Variants in SLC35F2 observed in about 807,000 individuals in gnomAD.
SLC35F2 encodes the protein solute carrier family 35 member F2, also known as queuine/queuosine transporter SLC35F2.
Under a neutral mutation model 38.1 loss-of-function variants are expected in SLC35F2, and 25 were observed. The ratio of observed to expected loss-of-function variants is 0.66; its 90% CI spans 0.48 to 0.92. The LOEUF is 0.92. Ranked by LOEUF, SLC35F2 falls within the 40% of genes least tolerant of loss-of-function variation. The probability of loss-of-function intolerance (pLI) is 0.00; values close to 1 mark genes in which losing one functional copy is unlikely to be tolerated. For synonymous variants in SLC35F2, 173 were observed against 181.7 expected (o/e 0.95, Z 0.38); for missense variants, 409 against 452.9 (o/e 0.90, Z 0.88).
intron 3 of SLC35F2, among the ~76,000 whole-genome samples, chr11:107,807,139 A>G (rs1263387963): frequency 1.3e-5 from 2 of 152,076 alleles, no homozygotes; most frequent in Non-Finnish European, 2.9e-5. Context: ...ACACATAGTT[A>G]AAAATGGGAT....
Position 107,838,627 on chromosome 11 carries a change from CT to C in SLC35F2, c.110+20030del, listed in dbSNP as rs71047631. Among the ~76,000 whole-genome samples the C allele has an allele frequency of 4.6e-3, 504 of 108,630 alleles. 4 individuals are homozygous for C. The highest frequency in any genetic ancestry group is 0.043 in the East Asian group (147 of 3,442). 71.3% of individuals were successfully genotyped at this position (108,630 alleles called of 152,430 possible). Reference sequence around the variant, plus strand: ...GGCGTGAGCCACTTTGCCCGGCCCTCTTTTTTTTTTTTTTTTTTTTTGAGAC... The same window carrying C: ...GGCGTGAGCCACTTTGCCCGGCCCTCTTTTTTTTTTTTTTTTTTTTGAGAC... On this transcript the variant is annotated intron_variant, in intron 1 of 7. Transcript: ENST00000525815.
chr11:107,836,570 A>G (rs1256270553), intron 1 of SLC35F2, among the ~76,000 whole-genome samples: 1 of 152,222 alleles, frequency 6.6e-6, no homozygotes, highest in Non-Finnish European at 1.5e-5. Context: ...AAGGAGCTAT[A>G]ACTACAGAAG....
Position 107,835,697 on chromosome 11 carries a change from A to G in SLC35F2, c.111-19732T>C, listed in dbSNP as rs373158189. 6.1e-3 allele frequency among the ~76,000 whole-genome samples: 930 copies of G among 151,984 alleles called. 10 individuals are homozygous for G. The highest frequency in any genetic ancestry group is 0.02 in the African/African-American group (840 of 41,444). The stretch of plus-strand genomic sequence containing the variant: ...TGCCTGCCTCAGCCTCCCAAACACA[A>G]TGACTCTTATTACCATCTCCTTAAT... On this transcript the variant is annotated intron_variant, in intron 1 of 7. Transcript: ENST00000525815.
chr11:107,809,807 G>A (rs1326216904), intron 3 of SLC35F2: 2 of 985,018 alleles, frequency 2.0e-6, no homozygotes, highest in Non-Finnish European at 2.4e-6. Context: ...GAGTATAGAA[G>A]AGAAAATGAA....
intron 1 of SLC35F2, among the ~76,000 whole-genome samples, chr11:107,825,022 A>C (rs73003346): frequency 0.058 from 8,761 of 152,322 alleles, 516 homozygotes; most frequent in African/African-American, 0.15. Context: ...TAAAATAGCC[A>C]TATATGGAGA....
chr11:107,803,256 ATAT>A (rs1357023754), intron 6 of SLC35F2, 101 bp from the exon 7 acceptor site: 1 of 1,394,966 alleles, frequency 7.2e-7, no homozygotes, highest in Non-Finnish European at 9.4e-7. Flanking sequence ...ACCCTTTAAC[ATAT>A]TATGTACAAA....
intron 1 of SLC35F2, among the ~76,000 whole-genome samples, chr11:107,838,916 AC>A (rs1859976712): frequency 6.6e-6 from 1 of 152,108 alleles, no homozygotes; most frequent in Admixed American, 6.6e-5. Flanking sequence ...GGCATGAGCC[AC>A]CACACCTGGC....
intron 1 of SLC35F2, among the ~76,000 whole-genome samples, chr11:107,830,315 G>C (rs1299470427): frequency 6.6e-6 from 1 of 152,108 alleles, no homozygotes; most frequent in Non-Finnish European, 1.5e-5. Flanking sequence ...GCTGGGCACA[G>C]TGGCTCACGC....
intron 1 of SLC35F2, among the ~76,000 whole-genome samples, chr11:107,850,834 A>G (rs1358846934): frequency 6.6e-6 from 1 of 151,650 alleles, no homozygotes; most frequent in African/African-American, 2.4e-5. Context: ...AAAAAGAATT[A>G]GTCAACTCAA....
rs529944457 is a variant in SLC35F2 at position 107,838,469 on chromosome 11, C to T, written c.110+20189G>A. ...CCTCCCGAGTAGCTGGGATTACAGG[C>T]GCCCGCCACCACGCCCAGCTAATTT... On this transcript the variant is annotated intron_variant, in intron 1 of 7. Coordinates refer to ENST00000525815, the MANE Select transcript of SLC35F2 (RefSeq NM_017515.5). Among the ~76,000 whole-genome samples the T allele has an allele frequency of 5.1e-3, 781 of 151,664 alleles. 9 individuals are homozygous for T. Among genetic ancestry groups the T allele is most frequent in the African/African-American group, 0.017 (711 of 41,298 alleles).
intron 1 of SLC35F2, among the ~76,000 whole-genome samples, chr11:107,830,195 C>A (rs1859816056): frequency 6.6e-6 from 1 of 152,002 alleles, no homozygotes; most frequent in South Asian, 2.1e-4. Flanking sequence ...TAACATATAT[C>A]CCAATTTGCT....
chr11:107,841,073 G>T (rs868460528), intron 1 of SLC35F2, among the ~76,000 whole-genome samples: 8 of 152,000 alleles, frequency 5.3e-5, no homozygotes, highest in South Asian at 2.1e-4. Flanking sequence ...CTCTGAATAG[G>T]CTCAAAAACT....
At chr11:107,822,991 A>G (rs1415225571) in intron 1 of SLC35F2, among the ~76,000 whole-genome samples, 2 of 152,116 alleles carry the variant, frequency 1.3e-5, no homozygotes, top group African/African-American at 4.8e-5. Context: ...ACACATATAT[A>G]TAATATATAT....
chr11:107,794,083 CTTTTTTTTT>C (rs10664346), intron 7 of SLC35F2, among the ~76,000 whole-genome samples: 6 of 137,978 alleles, frequency 4.3e-5, no homozygotes, highest in African/African-American at 1.6e-4. Context: ...TGTATTTTTT[CTTTTTTTTT>C]TTTTTTTAGA....
chr11:107,797,900 ATGTT>A (rs1490293841), intron 7 of SLC35F2, among the ~76,000 whole-genome samples: 4 of 152,142 alleles, frequency 2.6e-5, no homozygotes, highest in Non-Finnish European at 5.9e-5. Flanking sequence ...TGTTTAATAA[ATGTT>A]TGTTGAAAAA....
intron 2 of SLC35F2, among the ~76,000 whole-genome samples, chr11:107,812,075 T>C (rs1859491442): frequency 6.6e-6 from 1 of 151,548 alleles, no homozygotes. Flanking sequence ...CTAATTATTT[T>C]TGTATTTTTA....
intron 3 of SLC35F2, among the ~76,000 whole-genome samples, chr11:107,807,636 A>T (rs1408416384): frequency 1.3e-5 from 2 of 151,554 alleles, no homozygotes; most frequent in Non-Finnish European, 2.9e-5. Flanking sequence ...GCAGTGGTGC[A>T]ATCTCGGCTC....
chr11:107,792,723 C>T lies in SLC35F2; in HGVS notation c.1017G>A (p.Thr339=), dbSNP rs746761715. The T allele has an allele frequency of 2.3e-5, 37 of 1,613,898 alleles. 1 individual carries two copies. The South Asian group carries it at 3.1e-4, about 13-fold the overall frequency. The change falls in exon 8 of 8, where the codon ACG becomes ACA. Residue 339 remains threonine, a synonymous_variant. Coordinates refer to ENST00000525815, the MANE Select transcript of SLC35F2 (RefSeq NM_017515.5). ...GCACGCTGCTTTCAGCCGGCTCGGCCGTGCGAGTAGGGGTGGAGCAGTACA... is the reference window on the plus strand; with the variant it reads ...GCACGCTGCTTTCAGCCGGCTCGGCTGTGCGAGTAGGGGTGGAGCAGTACA... ...FILYCSTPTR[T]AEPAESSVPP... is the part of the protein sequence containing the mutation.
chr11:107,807,105 G>C (rs1252776321), intron 3 of SLC35F2, among the ~76,000 whole-genome samples: 2 of 151,896 alleles, frequency 1.3e-5, no homozygotes, highest in African/African-American at 4.8e-5. Context: ...TGAAGATACA[G>C]AGAGGTGAAA....
Sources: gnomAD v4.1 joint callset for allele counts (sites outside exome capture counted in the v4.1 genomes callset) on GRCh38, gnomAD v4.1.1 for gene constraint, MANE v1.5 for transcripts, NCBI Gene and HGNC (gene_info 2026-07-23, HGNC 2026-07-21) for gene names.